Variants in VTCN1 observed in about 807,000 individuals in gnomAD.
The protein encoded by VTCN1 is V-set domain containing T cell activation inhibitor 1.
A neutral mutation model predicts 26.5 loss-of-function variants in VTCN1; 26 were observed. The observed-to-expected ratio is 0.98, with a 90% confidence interval of 0.72 to 1.36. The LOEUF is 1.36. Ranked by LOEUF, VTCN1 falls within the 40% of genes most tolerant of loss-of-function variation. The probability of loss-of-function intolerance (pLI) is 0.00; values close to 1 mark genes in which losing one functional copy is unlikely to be tolerated. For synonymous variants in VTCN1, 116 were observed against 130.7 expected (o/e 0.89, Z 0.77); for missense variants, 298 against 337.7 (o/e 0.88, Z 0.92).
chr1:117,207,890 T>C (rs1649141138), intron 1 of VTCN1, among the ~76,000 whole-genome samples: 1 of 152,192 alleles, frequency 6.6e-6, no homozygotes, highest in Admixed American at 6.5e-5. Context: ...TTCTTTACTC[T>C]CACTCTCATC....
At chr1:117,204,472 T>A (rs907661) in intron 1 of VTCN1, among the ~76,000 whole-genome samples, 20,323 of 152,138 alleles carry the variant, frequency 0.13, 1,445 homozygotes, top group Non-Finnish European at 0.17. Flanking sequence ...GAAGTCTTGG[T>A]CTCTCAGATT....
In VTCN1 at chr1:117,167,097, A is replaced by T. The variant is rs1477269615; in HGVS notation, c.97+3010T>A. On this transcript the variant is annotated intron_variant, in intron 2 of 5. Coordinates refer to ENST00000369458, the MANE Select transcript of VTCN1 (RefSeq NM_024626.4). The surrounding 1 kb of genome is among the most constrained non-coding windows in gnomAD (Gnocchi z 4.1). ...GACAGAGCAAGACTGTCTCAAAAAA[A>T]AAAAAAAGAATATATATGTATGTAA... Among the ~76,000 whole-genome samples, 1 of 152,074 alleles carries T rather than the reference A, an allele frequency of 6.6e-6. No homozygotes were observed. Among genetic ancestry groups the T allele is most frequent in the Non-Finnish European group, 1.5e-5 (1 of 68,022 alleles).
At chr1:117,204,965 G>C (rs924791300) in intron 1 of VTCN1, among the ~76,000 whole-genome samples, 10 of 150,858 alleles carry the variant, frequency 6.6e-5, no homozygotes, top group Non-Finnish European at 8.8e-5. Flanking sequence ...GATAAAATGA[G>C]GTGTACTGAC....
chr1:117,174,722 T>C lies in VTCN1; in HGVS notation c.33-4551A>G, dbSNP rs547093921. On this transcript the variant is annotated intron_variant, in intron 1 of 5. Transcript: ENST00000369458. ...GTGGAGATTACAATGAGCCAAGATC[T>C]AGGGAGGTAGGAAGAATTTAAACCC... Among the ~76,000 whole-genome samples, 24 of 152,108 alleles carry C rather than the reference T, an allele frequency of 1.6e-4. No homozygotes were observed. The South Asian group carries it at 1.9e-3, about 12-fold the overall frequency.
Position 117,167,843 on chromosome 1 carries a change from A to G in VTCN1, c.97+2264T>C, listed in dbSNP as rs186576045. Among the ~76,000 whole-genome samples, 231 of 152,330 alleles carry G rather than the reference A, an allele frequency of 1.5e-3. 1 individual carries two copies. The highest frequency in any genetic ancestry group is 5.3e-3 in the African/African-American group (222 of 41,570). On this transcript the variant is annotated intron_variant, in intron 2 of 5. Coordinates refer to ENST00000369458, the MANE Select transcript of VTCN1 (RefSeq NM_024626.4). The surrounding 1 kb of genome is among the most constrained non-coding windows in gnomAD (Gnocchi z 4.1). ...AAGCCAAAATTAGTAAAATAGGAAT[A>G]CAGATCAGAGAAAATATAAATAAGC... is the stretch of plus-strand genomic sequence containing the variant.
chr1:117,189,655 G>A (rs960935822), intron 1 of VTCN1, among the ~76,000 whole-genome samples: 1 of 152,154 alleles, frequency 6.6e-6, no homozygotes, highest in Non-Finnish European at 1.5e-5. Flanking sequence ...AAAATATTTA[G>A]TATAACATTT....
Position 117,183,866 on chromosome 1 carries a change from T to A in VTCN1, c.33-13695A>T, listed in dbSNP as rs568990415. ...GCCAGCAAGAAAAATGAGGGAGATT[T>A]GCAGAGGCTAAAAATGAAACCAGCA... On this transcript the variant is annotated intron_variant, in intron 1 of 5. Transcript: ENST00000369458. This position sits in a 1 kb window ranked among gnomAD's most constrained non-coding sequence, Gnocchi z 4.1. 6.6e-6 allele frequency among the ~76,000 whole-genome samples: 1 copy of A among 152,298 alleles called. No homozygotes were observed. Among genetic ancestry groups the A allele is most frequent in the Non-Finnish European group, 1.5e-5 (1 of 68,022 alleles).
chr1:117,154,783 C>CAAA (rs916361996), intron 3 of VTCN1, among the ~76,000 whole-genome samples: 18 of 39,836 alleles, frequency 4.5e-4, no homozygotes, highest in African/African-American at 1.0e-3. Context: ...AACTCCATCT[C>CAAA]AAAAAAAAAA....
chr1:117,192,048 G>A (rs920478705), intron 1 of VTCN1, among the ~76,000 whole-genome samples: 4 of 151,510 alleles, frequency 2.6e-5, no homozygotes, highest in Admixed American at 2.0e-4. Context: ...AATTTACAGA[G>A]CTCAAAAGAT....
At chr1:117,195,095 C>G (rs560306525) in intron 1 of VTCN1, among the ~76,000 whole-genome samples, 1 of 151,670 alleles carries the variant, frequency 6.6e-6, no homozygotes, top group Non-Finnish European at 1.5e-5. Flanking sequence ...AACCCTATCT[C>G]TAGTAAAAAT....
chr1:117,156,527 C>G (rs947109595), intron 3 of VTCN1, 47 bp downstream of exon 3: 1 of 1,495,624 alleles, frequency 6.7e-7, no homozygotes, highest in Non-Finnish European at 8.9e-7. Flanking sequence ...TCTTTAGCCT[C>G]AAATACTTTT....
intron 1 of VTCN1, among the ~76,000 whole-genome samples, chr1:117,196,487 AT>A (rs1189562160): frequency 1.3e-5 from 2 of 151,636 alleles, no homozygotes; most frequent in African/African-American, 4.8e-5. Flanking sequence ...ACCGATAGAT[AT>A]TTTTTTCCTT....
intron 1 of VTCN1, among the ~76,000 whole-genome samples, chr1:117,188,141 G>A (rs888270102): frequency 1.3e-5 from 2 of 152,162 alleles, no homozygotes; most frequent in Admixed American, 1.3e-4. Context: ...GTTCTTGATG[G>A]GGTAAGGTGG....
intron 4 of VTCN1, among the ~76,000 whole-genome samples, chr1:117,151,145 A>G (rs1423926938): frequency 6.6e-6 from 1 of 151,866 alleles, no homozygotes; most frequent in Non-Finnish European, 1.5e-5. Context: ...CAGGACTGTT[A>G]GATCATATGA....
chr1:117,164,217 A>C (rs973008487), intron 2 of VTCN1, among the ~76,000 whole-genome samples: 7 of 152,156 alleles, frequency 4.6e-5, no homozygotes, highest in African/African-American at 1.7e-4. Context: ...TAGATATGGG[A>C]GATGGCACAG....
At chr1:117,202,586 G>A (rs1388229511) in intron 1 of VTCN1, among the ~76,000 whole-genome samples, 1 of 152,204 alleles carries the variant, frequency 6.6e-6, no homozygotes, top group Admixed American at 6.5e-5. Flanking sequence ...AAGTTGAAAA[G>A]GAAATAAGAA....
At chr1:117,184,105 T>C (rs1156614632) in intron 1 of VTCN1, among the ~76,000 whole-genome samples, 2 of 152,294 alleles carry the variant, frequency 1.3e-5, no homozygotes, top group African/African-American at 2.4e-5. Context: ...GCCTCAAATC[T>C]GCATGATGAC....
intron 2 of VTCN1, among the ~76,000 whole-genome samples, chr1:117,166,785 T>G (rs977798342): frequency 2.6e-5 from 4 of 152,050 alleles, no homozygotes; most frequent in Non-Finnish European, 5.9e-5. Flanking sequence ...TATATTTTAT[T>G]TCCTTATAAA....
At chr1:117,187,203 C>G (rs755299143) in intron 1 of VTCN1, among the ~76,000 whole-genome samples, 19 of 142,960 alleles carry the variant, frequency 1.3e-4, no homozygotes, top group Non-Finnish European at 2.9e-4. Context: ...CCCAGCTACT[C>G]GGGAGGCTGA....
Sources: allele counts gnomAD v4.1 joint callset (sites outside exome capture counted in the v4.1 genomes callset), GRCh38; gene constraint gnomAD v4.1.1; non-coding constraint Gnocchi (gnomAD v3.1); transcripts MANE v1.5; gene names NCBI Gene and HGNC (gene_info 2026-07-23, HGNC 2026-07-21).